The following PTPRD variants were observed in gnomAD, a reference collection of about 807,000 sequenced individuals.
PTPRD encodes protein tyrosine phosphatase receptor type D.
A neutral mutation model predicts 214.5 loss-of-function variants in PTPRD; 34 were observed. The observed-to-expected ratio is 0.16, with a 90% confidence interval of 0.12 to 0.21. The LOEUF (loss-of-function observed/expected upper bound fraction) is 0.21. Ranked by LOEUF, PTPRD falls within the 10% of genes least tolerant of loss-of-function variation. The pLI is 1.00. For missense variants in PTPRD, 2,545 were observed against 2,398.7 expected (o/e 1.06, Z -1.27); for synonymous variants, 1,128 against 845.7 (o/e 1.33, Z -5.79).
intron 12 of PTPRD, among the ~76,000 whole-genome samples, chr9:8,653,188 G>C (rs2096846399): frequency 6.6e-6 from 1 of 152,076 alleles, no homozygotes; most frequent in African/African-American, 2.4e-5. Flanking sequence ...AAAGACAAAA[G>C]AGAAATCTAA....
intron 2 of PTPRD, among the ~76,000 whole-genome samples, chr9:10,508,751 A>G (rs1455031768): frequency 6.6e-6 from 1 of 151,994 alleles, no homozygotes; most frequent in Non-Finnish European, 1.5e-5. Context: ...ACAATGGAAC[A>G]CTTGGACACA....
chr9:9,469,018 G>C (rs1569568610), intron 8 of PTPRD, among the ~76,000 whole-genome samples: 1 of 152,024 alleles, frequency 6.6e-6, no homozygotes, highest in Non-Finnish European at 1.5e-5. Context: ...TAGCATCATA[G>C]CTTTAGATGA....
chr9:9,733,365 T>C (rs2098233839), intron 7 of PTPRD, among the ~76,000 whole-genome samples: 1 of 152,190 alleles, frequency 6.6e-6, no homozygotes, highest in African/African-American at 2.4e-5. Context: ...TGAGATCTGA[T>C]ATACAACTTT....
At chr9:8,353,457 TCTCA>T (rs2076063208) in intron 39 of PTPRD, among the ~76,000 whole-genome samples, 1 of 152,182 alleles carries the variant, frequency 6.6e-6, no homozygotes, top group African/African-American at 2.4e-5. Context: ...TGAGATGGAG[TCTCA>T]CTCTGCTGCC....
intron 20 of PTPRD, among the ~76,000 whole-genome samples, chr9:8,520,031 T>G (rs1194263506): frequency 6.6e-6 from 1 of 152,140 alleles, no homozygotes; most frequent in African/African-American, 2.4e-5. Flanking sequence ...AAAATGAAAT[T>G]TGTTTAAATA....
chr9:8,503,411 A>G (rs562657927), intron 23 of PTPRD, among the ~76,000 whole-genome samples: 1 of 152,242 alleles, frequency 6.6e-6, no homozygotes, highest in African/African-American at 2.4e-5. Flanking sequence ...CTAAGAAAAT[A>G]ACTCAACAAA....
intron 11 of PTPRD, among the ~76,000 whole-genome samples, chr9:8,798,061 GTGGAATTCTACCCTATATGCTTTATAGAA>G (rs1244305811): frequency 2.6e-5 from 4 of 151,996 alleles, no homozygotes; most frequent in Non-Finnish European, 5.9e-5. Flanking sequence ...CTGGTCTTAC[GTGGAATTCTACCCTATATGCTTTATAGAA>G]TGGAATTCTC....
intron 2 of PTPRD, among the ~76,000 whole-genome samples, chr9:10,386,866 A>G (rs1238264894): frequency 6.6e-6 from 1 of 151,740 alleles, no homozygotes; most frequent in Admixed American, 6.6e-5. Flanking sequence ...GCTGCTAATA[A>G]AATGACATTA....
intron 5 of PTPRD, among the ~76,000 whole-genome samples, chr9:9,790,051 C>A (rs1373484024): frequency 6.6e-6 from 1 of 152,022 alleles, no homozygotes; most frequent in African/African-American, 2.4e-5. Flanking sequence ...CTTAGCAGGC[C>A]AGAACCTCTT....
intron 2 of PTPRD, among the ~76,000 whole-genome samples, chr9:10,608,300 T>C (rs547870633): frequency 2.0e-5 from 3 of 152,164 alleles, no homozygotes; most frequent in Non-Finnish European, 4.4e-5. Context: ...AATCCAAAAA[T>C]AATTATACAT....
At chr9:10,541,274 G>A (rs2059041244) in intron 2 of PTPRD, among the ~76,000 whole-genome samples, 1 of 152,008 alleles carries the variant, frequency 6.6e-6, no homozygotes, top group East Asian at 1.9e-4. Context: ...GAGAGAACAG[G>A]ACAACCAAAA....
intron 4 of PTPRD, among the ~76,000 whole-genome samples, chr9:9,947,177 G>T (rs1320822598): frequency 6.8e-6 from 1 of 146,468 alleles, no homozygotes; most frequent in Non-Finnish European, 1.5e-5. Flanking sequence ...ACAATGAGTA[G>T]TTCAGCTATA....
chr9:9,868,364 A>G (rs560613871), intron 5 of PTPRD, among the ~76,000 whole-genome samples: 93 of 152,256 alleles, frequency 6.1e-4, no homozygotes, highest in African/African-American at 2.2e-3. Context: ...TTTCTGGAAT[A>G]AGAATTTTTT....
intron 3 of PTPRD, among the ~76,000 whole-genome samples, chr9:10,179,391 A>G (rs1373095867): frequency 6.6e-6 from 1 of 152,038 alleles, no homozygotes; most frequent in Non-Finnish European, 1.5e-5. Flanking sequence ...AAACTTCAGT[A>G]AGATATGGAA....
At chr9:8,899,149 T>C (rs1467672639) in intron 11 of PTPRD, among the ~76,000 whole-genome samples, 1 of 152,172 alleles carries the variant, frequency 6.6e-6, no homozygotes, top group East Asian at 1.9e-4. Context: ...AGATTGTTTA[T>C]CTGCTGGGCA....
At chr9:9,559,918 T>G (rs2082468731) in intron 8 of PTPRD, among the ~76,000 whole-genome samples, 1 of 152,154 alleles carries the variant, frequency 6.6e-6, no homozygotes, top group Non-Finnish European at 1.5e-5. Flanking sequence ...CTGACCAGCT[T>G]CCACAGCTGC....
intron 10 of PTPRD, among the ~76,000 whole-genome samples, chr9:9,039,773 G>C (rs1030312048): frequency 6.6e-6 from 1 of 152,176 alleles, no homozygotes; most frequent in Non-Finnish European, 1.5e-5. Flanking sequence ...GAAAGTAAGA[G>C]CTTGCAGAAC....
At chr9:10,349,944 A>T (rs184893449) in intron 2 of PTPRD, among the ~76,000 whole-genome samples, 2 of 152,344 alleles carry the variant, frequency 1.3e-5, no homozygotes, top group Admixed American at 1.3e-4. Context: ...TACAGGCATG[A>T]GCCACTGTGC....
At chr9:9,778,363 G>T (rs1162982276) in intron 5 of PTPRD, among the ~76,000 whole-genome samples, 5 of 152,154 alleles carry the variant, frequency 3.3e-5, no homozygotes, top group African/African-American at 1.2e-4. Flanking sequence ...GATCTGGCAG[G>T]GGGATTTCCC....
Sources: gnomAD v4.1 joint callset for allele counts (sites outside exome capture counted in the v4.1 genomes callset) on GRCh38, gnomAD v4.1.1 for gene constraint, MANE v1.5 for transcripts, NCBI Gene and HGNC (gene_info 2026-07-23, HGNC 2026-07-21) for gene names.